Variants in COL4A2 observed in about 807,000 individuals in gnomAD.
COL4A2 encodes the protein collagen alpha-2(IV) chain.
In COL4A2, 99 loss-of-function variants were observed where a neutral mutation model predicts 200.2. That is an observed-to-expected ratio of 0.49 (90% CI 0.42 to 0.58). The LOEUF (loss-of-function observed/expected upper bound fraction) is 0.58, where lower values mean the gene tolerates loss of function less well. Ranked by LOEUF, COL4A2 falls within the 20% of genes least tolerant of loss-of-function variation. The pLI, the probability that COL4A2 is intolerant of heterozygous loss-of-function variation, is 0.00. For synonymous variants in COL4A2, 897 were observed against 900.6 expected (o/e 1.00, Z 0.07); for missense variants, 1,950 against 2,314.1 (o/e 0.84, Z 3.23).
intron 3 of COL4A2, among the ~76,000 whole-genome samples, chr13:110,343,179 C>G (rs1280229061): frequency 6.6e-6 from 1 of 152,088 alleles, no homozygotes; most frequent in Non-Finnish European, 1.5e-5. Context: ...GAATTAAAAT[C>G]CCAACAACCT....
intron 40 of COL4A2, among the ~76,000 whole-genome samples, chr13:110,500,591 C>G (rs1883604670): frequency 6.6e-6 from 1 of 152,214 alleles, no homozygotes; most frequent in South Asian, 2.1e-4. Flanking sequence ...GACCCAAAAA[C>G]TGTTGGTTCT....
At chr13:110,401,565 A>G (rs1879370683) in intron 4 of COL4A2, among the ~76,000 whole-genome samples, 1 of 152,216 alleles carries the variant, frequency 6.6e-6, no homozygotes, top group Non-Finnish European at 1.5e-5. Flanking sequence ...ATTGCTTTCT[A>G]AGTAGCTTGA....
rs945819692 is a variant in COL4A2 at position 110,325,187 on chromosome 13, G to T, written c.99+17064G>T. ...GCCACATGTGTCCATAATAATAATC[G>T]GAAATCAACGCATTTTTAATAAGCA... is the stretch of plus-strand genomic sequence containing the variant. On this transcript the variant is annotated intron_variant, in intron 3 of 47. Coordinates refer to ENST00000360467, the MANE Select transcript of COL4A2 (RefSeq NM_001846.4). 2.0e-5 allele frequency among the ~76,000 whole-genome samples: 3 copies of T among 152,098 alleles called. No homozygotes were observed. In the South Asian group the frequency reaches 6.2e-4, roughly 32 times the overall value.
At chr13:110,453,701 T>C (rs1881623269) in intron 20 of COL4A2, among the ~76,000 whole-genome samples, 2 of 152,214 alleles carry the variant, frequency 1.3e-5, no homozygotes. Flanking sequence ...TAGTGTGGGC[T>C]GATGAGGAAA....
chr13:110,447,193 A>G (rs1376531619), intron 18 of COL4A2, among the ~76,000 whole-genome samples: 2 of 152,186 alleles, frequency 1.3e-5, no homozygotes, highest in African/African-American at 2.4e-5. Flanking sequence ...CGTCTGGACT[A>G]TCGCTGAAGA....
chr13:110,319,020 A>T (rs1188085129), intron 3 of COL4A2, among the ~76,000 whole-genome samples: 1 of 152,026 alleles, frequency 6.6e-6, no homozygotes, highest in African/African-American at 2.4e-5. Context: ...GTCATCCTTG[A>T]AGGGCCTCTC....
intron 29 of COL4A2, among the ~76,000 whole-genome samples, chr13:110,476,635 G>A (rs1882715030): frequency 1.3e-5 from 2 of 152,232 alleles, no homozygotes; most frequent in Admixed American, 6.5e-5. Flanking sequence ...TGGCTGTGAG[G>A]CTACGTGAGT....
chr13:110,399,524 C>G (rs1326262657), intron 4 of COL4A2, among the ~76,000 whole-genome samples: 1 of 152,172 alleles, frequency 6.6e-6, no homozygotes, highest in Non-Finnish European at 1.5e-5. Context: ...ACCACTTTAC[C>G]TATTTTCTTT....
At chr13:110,451,389 C>T (rs908421141) in intron 20 of COL4A2, among the ~76,000 whole-genome samples, 2 of 152,194 alleles carry the variant, frequency 1.3e-5, no homozygotes, top group South Asian at 2.1e-4. Flanking sequence ...TGTATTAGTT[C>T]GTTCTCACGC....
chr13:110,441,844 G>C (rs1339818887), intron 16 of COL4A2, among the ~76,000 whole-genome samples: 2 of 151,814 alleles, frequency 1.3e-5, no homozygotes, highest in East Asian at 3.9e-4. Context: ...AGTTTGGGAG[G>C]CCAAGGTGAG....
intron 4 of COL4A2, among the ~76,000 whole-genome samples, chr13:110,367,595 A>G (rs1877811229): frequency 6.6e-6 from 1 of 152,264 alleles, no homozygotes; most frequent in Non-Finnish European, 1.5e-5. Flanking sequence ...GAACCTTACT[A>G]TCAAAATCAG....
chr13:110,464,231 T>C (rs1241002908), intron 24 of COL4A2, among the ~76,000 whole-genome samples: 1 of 152,084 alleles, frequency 6.6e-6, no homozygotes, highest in Non-Finnish European at 1.5e-5. Context: ...TGGCTGCCAG[T>C]CCCAGCCCAG....
At chr13:110,345,718 T>C (rs2139375777) in intron 3 of COL4A2, among the ~76,000 whole-genome samples, 1 of 152,182 alleles carries the variant, frequency 6.6e-6, no homozygotes, top group South Asian at 2.1e-4. Flanking sequence ...GCCATCTATA[T>C]TAGGGGTGGA....
At chr13:110,493,305 C>G in intron 39 of COL4A2, 23 bp downstream of exon 39, 2 of 1,613,156 alleles carry the variant, frequency 1.2e-6, no homozygotes, top group Non-Finnish European at 8.5e-7. Context: ...GTCCCAGCCC[C>G]GAGTCCCACG....
At chr13:110,363,615 C>G (rs1334280268) in intron 4 of COL4A2, among the ~76,000 whole-genome samples, 3 of 152,122 alleles carry the variant, frequency 2.0e-5, no homozygotes, top group Non-Finnish European at 4.4e-5. Context: ...AGTCCCCAGC[C>G]TTGGGGAAGG....
chr13:110,422,094 G>T (rs993964228), intron 4 of COL4A2, among the ~76,000 whole-genome samples: 9 of 152,188 alleles, frequency 5.9e-5, no homozygotes, highest in African/African-American at 2.2e-4. Flanking sequence ...GGGCAATAAA[G>T]CGACAGTCCT....
intron 4 of COL4A2, among the ~76,000 whole-genome samples, chr13:110,418,495 A>C (rs1048901725): frequency 1.3e-5 from 2 of 152,188 alleles, no homozygotes; most frequent in African/African-American, 4.8e-5. Context: ...TAGCTCTTAC[A>C]TTTAGGTCCA....
At chr13:110,317,134 CCA>C (rs1323072060) in intron 3 of COL4A2, among the ~76,000 whole-genome samples, 3 of 146,444 alleles carry the variant, frequency 2.0e-5, no homozygotes, top group Non-Finnish European at 4.5e-5. Flanking sequence ...CACTTGCACC[CCA>C]CACACACATA....
intron 3 of COL4A2, among the ~76,000 whole-genome samples, chr13:110,337,076 G>A (rs1876224952): frequency 5.3e-5 from 8 of 152,224 alleles, no homozygotes; most frequent in Admixed American, 4.6e-4. Flanking sequence ...AAAACAGACT[G>A]CGTTTATCTA....
Sources: gnomAD v4.1 joint callset for allele counts (sites outside exome capture counted in the v4.1 genomes callset) on GRCh38, gnomAD v4.1.1 for gene constraint, MANE v1.5 for transcripts, NCBI Gene and HGNC (gene_info 2026-07-23, HGNC 2026-07-21) for gene names.